Variants in PRKG1 observed in about 807,000 individuals in gnomAD.
PRKG1 encodes the protein cGMP-dependent protein kinase 1.
PRKG1 carries 35 observed loss-of-function variants against 88.1 expected under a neutral mutation model. The ratio of observed to expected loss-of-function variants is 0.40; its 90% confidence interval spans 0.30 to 0.53. The LOEUF is 0.53. Ranked by LOEUF, PRKG1 falls within the 20% of genes least tolerant of loss-of-function variation. PRKG1 has a pLI of 0.59. For missense variants in PRKG1, 540 were observed against 839.8 expected, an observed-to-expected ratio of 0.64 and a Z score of 4.41; for synonymous variants, 303 against 292.5, an observed-to-expected ratio of 1.04 and a Z score of -0.37.
intron 2 of PRKG1, among the ~76,000 whole-genome samples, chr10:51,241,253 A>G (rs1189119555): frequency 6.6e-6 from 1 of 151,858 alleles, no homozygotes; most frequent in East Asian, 1.9e-4. Context: ...CCAAGACAAT[A>G]GTCACGGCGT....
chr10:51,338,063 G>A (rs1036847142), intron 2 of PRKG1, among the ~76,000 whole-genome samples: 4 of 152,116 alleles, frequency 2.6e-5, no homozygotes, highest in African/African-American at 9.7e-5. Flanking sequence ...AGAATACTAT[G>A]CAGCCATATG....
At chr10:51,304,693 C>G (rs910555480) in intron 2 of PRKG1, among the ~76,000 whole-genome samples, 1 of 135,628 alleles carries the variant, frequency 7.4e-6, no homozygotes, top group Non-Finnish European at 1.5e-5. Context: ...TCCATGTGTT[C>G]TCATTGTTCA....
intron 2 of PRKG1, among the ~76,000 whole-genome samples, chr10:51,449,039 T>C (rs1839355013): frequency 6.6e-6 from 1 of 151,994 alleles, no homozygotes; most frequent in South Asian, 2.1e-4. Context: ...TAGAAATCTC[T>C]ATAAATGAAT....
chr10:51,166,642 T>G (rs1237356756), intron 2 of PRKG1, among the ~76,000 whole-genome samples: 1 of 152,198 alleles, frequency 6.6e-6, no homozygotes, highest in Non-Finnish European at 1.5e-5. Flanking sequence ...TTTAAATTAT[T>G]TATTTATTAC....
chr10:52,023,081 G>A (rs182701286), intron 5 of PRKG1, among the ~76,000 whole-genome samples: 31 of 152,130 alleles, frequency 2.0e-4, no homozygotes, highest in African/African-American at 6.0e-4. Context: ...CCCACACCCC[G>A]ACAGGTCCTG....
At chr10:52,039,215 G>A (rs552329353) in intron 5 of PRKG1, among the ~76,000 whole-genome samples, 3,621 of 152,146 alleles carry the variant, frequency 0.024, 130 homozygotes, top group African/African-American at 0.081. Context: ...AAAGAGAGTC[G>A]GTGAAGGGAG....
At chr10:52,277,546 A>G (rs1177616576) in intron 12 of PRKG1, among the ~76,000 whole-genome samples, 1 of 152,140 alleles carries the variant, frequency 6.6e-6, no homozygotes, top group Non-Finnish European at 1.5e-5. Context: ...ACAACAACCC[A>G]GTGAGATAGT....
At chr10:51,197,246 G>T (rs899726980) in intron 2 of PRKG1, among the ~76,000 whole-genome samples, 1 of 152,034 alleles carries the variant, frequency 6.6e-6, no homozygotes, top group African/African-American at 2.4e-5. Flanking sequence ...GGTGTGTTTT[G>T]AGATATCGTG....
intron 4 of PRKG1, among the ~76,000 whole-genome samples, chr10:51,860,347 T>C (rs1840840845): frequency 6.6e-6 from 1 of 152,218 alleles, no homozygotes; most frequent in Admixed American, 6.5e-5. Context: ...AAAGAACAGC[T>C]ATTTATCTGG....
chr10:51,030,709 G>A (rs1029758990), intron 1 of PRKG1, among the ~76,000 whole-genome samples: 8 of 151,994 alleles, frequency 5.3e-5, no homozygotes, highest in Non-Finnish European at 8.8e-5. Flanking sequence ...GCTCTATTAG[G>A]TCATGCCAGA....
At chr10:51,878,212 A>ATG (rs1365062767) in intron 4 of PRKG1, among the ~76,000 whole-genome samples, 99 of 148,560 alleles carry the variant, frequency 6.7e-4, no homozygotes, top group African/African-American at 2.4e-3. Flanking sequence ...AGCAATATAT[A>ATG]TGTGTGTGTG....
intron 10 of PRKG1, among the ~76,000 whole-genome samples, chr10:52,259,092 T>C (rs1248623151): frequency 6.6e-6 from 1 of 151,324 alleles, no homozygotes; most frequent in East Asian, 1.9e-4. Flanking sequence ...AGTATGATTG[T>C]TTATATTCTT....
intron 1 of PRKG1, among the ~76,000 whole-genome samples, chr10:51,082,422 T>G (rs1844135858): frequency 6.6e-6 from 1 of 152,300 alleles, no homozygotes; most frequent in Non-Finnish European, 1.5e-5. Flanking sequence ...TAGAATCACA[T>G]GGGGAACATA....
intron 2 of PRKG1, among the ~76,000 whole-genome samples, chr10:51,213,702 T>C (rs1815556052): frequency 6.6e-6 from 1 of 152,192 alleles, no homozygotes; most frequent in Non-Finnish European, 1.5e-5. Flanking sequence ...ATATAACTTA[T>C]TTTAAAAAAG....
intron 3 of PRKG1, among the ~76,000 whole-genome samples, chr10:51,759,109 G>T (rs570343143): frequency 6.6e-6 from 1 of 152,180 alleles, no homozygotes; most frequent in South Asian, 2.1e-4. Context: ...ATGAGCATTT[G>T]GGTTGGTTCC....
chr10:51,852,361 C>T (rs954875398), intron 4 of PRKG1, among the ~76,000 whole-genome samples: 1 of 149,202 alleles, frequency 6.7e-6, no homozygotes, highest in South Asian at 2.1e-4. Flanking sequence ...CATAGATATA[C>T]ACACACACAC....
intron 1 of PRKG1, among the ~76,000 whole-genome samples, chr10:51,086,880 T>C (rs775646503): frequency 6.6e-6 from 1 of 152,214 alleles, no homozygotes; most frequent in Non-Finnish European, 1.5e-5. Context: ...TGCTCCATCT[T>C]CTGGATTCCT....
chr10:51,268,958 G>T (rs975602038), intron 2 of PRKG1, among the ~76,000 whole-genome samples: 7 of 152,086 alleles, frequency 4.6e-5, no homozygotes, highest in Non-Finnish European at 1.0e-4. Flanking sequence ...GGCTTCAGCC[G>T]GTCCTTCCAT....
chr10:52,126,390 A>G (rs1564480260), intron 7 of PRKG1, among the ~76,000 whole-genome samples: 2 of 152,224 alleles, frequency 1.3e-5, no homozygotes, highest in African/African-American at 4.8e-5. Flanking sequence ...AGAGATAAGA[A>G]GAATAAAGGG....
Sources: allele counts gnomAD v4.1 joint callset (sites outside exome capture counted in the v4.1 genomes callset), GRCh38; gene constraint gnomAD v4.1.1; transcripts MANE v1.5; gene names NCBI Gene and HGNC (gene_info 2026-07-23, HGNC 2026-07-21).